Variants in RBFOX1 observed in about 807,000 individuals in gnomAD.
The protein encoded by RBFOX1 is RNA binding fox-1 homolog 1, also known as RNA binding protein fox-1 homolog 1.
Under a neutral mutation model 57.7 loss-of-function variants are expected in RBFOX1, and 8 were observed. The observed-to-expected ratio is 0.14, with a 90% confidence interval of 0.08 to 0.25. The LOEUF (loss-of-function observed/expected upper bound fraction) is 0.25, where lower values mean the gene tolerates loss of function less well. RBFOX1 is among the 10% of genes least tolerant of loss of function. The probability of loss-of-function intolerance (pLI) is 1.00; values close to 1 mark genes in which losing one functional copy is unlikely to be tolerated. For synonymous variants in RBFOX1, 326 were observed against 222.4 expected (o/e 1.47, Z -4.15); for missense variants, 611 against 548.5 (o/e 1.11, Z -1.14).
intron 4 of RBFOX1, among the ~76,000 whole-genome samples, chr16:7,112,754 G>C (rs1245704073): frequency 2.6e-5 from 4 of 151,036 alleles, no homozygotes; most frequent in Non-Finnish European, 5.9e-5. Context: ...TGATTCACAA[G>C]ACTCAGGTTT....
intron 1 of RBFOX1, among the ~76,000 whole-genome samples, chr16:6,252,689 C>A (rs1223897412): frequency 1.3e-5 from 2 of 152,284 alleles, no homozygotes; most frequent in East Asian, 3.9e-4. Context: ...AGTAGGACAA[C>A]AGTGGCTTTG....
intron 1 of RBFOX1, among the ~76,000 whole-genome samples, chr16:6,250,665 A>G (rs1194664771): frequency 6.6e-6 from 1 of 152,136 alleles, no homozygotes; most frequent in Non-Finnish European, 1.5e-5. Flanking sequence ...TCTCTGCACC[A>G]GTCGGGGAAG....
chr16:7,389,334 C>T (rs1001748206), intron 4 of RBFOX1, among the ~76,000 whole-genome samples: 1 of 152,128 alleles, frequency 6.6e-6, no homozygotes, highest in African/African-American at 2.4e-5. Flanking sequence ...CCATGTAGCC[C>T]AGGCTGGTCT....
chr16:5,806,739 G>A (rs2055240688), intron 3 of RBFOX1, among the ~76,000 whole-genome samples: 2 of 152,220 alleles, frequency 1.3e-5, no homozygotes, highest in Admixed American at 1.3e-4. Flanking sequence ...AACAAACCTG[G>A]TAATGCCCCG....
intron 4 of RBFOX1, among the ~76,000 whole-genome samples, chr16:7,058,996 T>C (rs1360226647): frequency 6.6e-6 from 1 of 152,188 alleles, no homozygotes; most frequent in Non-Finnish European, 1.5e-5. Flanking sequence ...GTAGAGCAGA[T>C]CTGCATTATC....
At chr16:7,256,760 T>G (rs912159357) in intron 4 of RBFOX1, among the ~76,000 whole-genome samples, 2 of 152,190 alleles carry the variant, frequency 1.3e-5, no homozygotes, top group African/African-American at 4.8e-5. Flanking sequence ...GTAATACGGT[T>G]GTCCTGTGAG....
intron 4 of RBFOX1, among the ~76,000 whole-genome samples, chr16:7,425,369 C>G (rs548079343): frequency 2.0e-5 from 3 of 152,140 alleles, no homozygotes; most frequent in Non-Finnish European, 1.5e-5. Flanking sequence ...ACCTTCTCCA[C>G]GTCTTCATTG....
At chr16:7,145,231 G>C (rs1366741786) in intron 4 of RBFOX1, among the ~76,000 whole-genome samples, 1 of 152,084 alleles carries the variant, frequency 6.6e-6, no homozygotes, top group Non-Finnish European at 1.5e-5. Context: ...TTGAGATGGA[G>C]TCTTGCTCTG....
intron 3 of RBFOX1, among the ~76,000 whole-genome samples, chr16:6,698,584 C>A (rs1166921740): frequency 6.6e-6 from 1 of 152,174 alleles, no homozygotes; most frequent in Non-Finnish European, 1.5e-5. Context: ...TTAGTATTTG[C>A]CAGAGCCCCA....
intron 11 of RBFOX1, among the ~76,000 whole-genome samples, chr16:7,647,029 A>G (rs573562578): frequency 7.3e-4 from 111 of 152,266 alleles, no homozygotes; most frequent in African/African-American, 2.6e-3. Context: ...ACACCCACAC[A>G]TCTTCCGTTC....
At chr16:5,875,357 G>A (rs1007718751) in intron 4 of RBFOX1, among the ~76,000 whole-genome samples, 9 of 152,182 alleles carry the variant, frequency 5.9e-5, no homozygotes, top group Non-Finnish European at 1.2e-4. Flanking sequence ...GTCTCCACTA[G>A]GAACAGCATG....
At chr16:5,636,057 A>G (rs1481194113) in intron 3 of RBFOX1, among the ~76,000 whole-genome samples, 1 of 149,486 alleles carries the variant, frequency 6.7e-6, no homozygotes, top group Non-Finnish European at 1.5e-5. Context: ...TAAAAAAGAG[A>G]AAAAAAAAAG....
Position 6,710,604 on chromosome 16 carries a change from A to C in RBFOX1, c.-16+55954A>C, listed in dbSNP as rs112470254. On this transcript the variant is annotated intron_variant, in intron 3 of 15. Coordinates refer to ENST00000550418, the MANE Select transcript of RBFOX1 (RefSeq NM_018723.4). ...GAATAGTACCATTTGCAACTGAAAG[A>C]AGCCTAATTCAAATGAGCTACAGCA... is the stretch of plus-strand genomic sequence containing the variant. Among the ~76,000 whole-genome samples, 432 of 152,364 alleles carry C rather than the reference A, an allele frequency of 2.8e-3. 3 individuals are homozygous for C. Among genetic ancestry groups the C allele is most frequent in the African/African-American group, 0.01 (416 of 41,590 alleles).
At chr16:6,788,740 G>A (rs773192596) in intron 3 of RBFOX1, among the ~76,000 whole-genome samples, 3 of 148,018 alleles carry the variant, frequency 2.0e-5, no homozygotes, top group African/African-American at 5.2e-5. Context: ...CTCCCAGAGT[G>A]CTGGGATTAC....
intron 3 of RBFOX1, among the ~76,000 whole-genome samples, chr16:5,755,481 A>G (rs1020671198): frequency 5.3e-5 from 8 of 152,214 alleles, no homozygotes; most frequent in African/African-American, 1.4e-4. Flanking sequence ...GTTGAGTGTT[A>G]GGTAGACCAA....
intron 3 of RBFOX1, among the ~76,000 whole-genome samples, chr16:6,663,951 G>C (rs76615715): frequency 1.3e-5 from 2 of 152,178 alleles, no homozygotes; most frequent in Admixed American, 6.5e-5. Context: ...CTCAAAGCAG[G>C]CAAAGGCTAA....
intron 1 of RBFOX1, among the ~76,000 whole-genome samples, chr16:6,262,513 A>G (rs1156886770): frequency 6.6e-6 from 1 of 152,156 alleles, no homozygotes; most frequent in Non-Finnish European, 1.5e-5. Context: ...TGTTCACTGC[A>G]GCAGCATCTC....
intron 3 of RBFOX1, among the ~76,000 whole-genome samples, chr16:6,978,133 C>T (rs935806139): frequency 6.6e-6 from 1 of 151,924 alleles, no homozygotes; most frequent in Non-Finnish European, 1.5e-5. Flanking sequence ...ACACAACAGC[C>T]GGGCATGATG....
intron 1 of RBFOX1, among the ~76,000 whole-genome samples, chr16:6,259,331 G>A (rs890092224): frequency 2.6e-5 from 4 of 152,008 alleles, no homozygotes; most frequent in Admixed American, 1.3e-4. Flanking sequence ...CTCTCTAGCC[G>A]TTAGGCAGAG....
Sources: allele counts gnomAD v4.1 joint callset (sites outside exome capture counted in the v4.1 genomes callset), GRCh38; gene constraint gnomAD v4.1.1; transcripts MANE v1.5; gene names NCBI Gene and HGNC (gene_info 2026-07-23, HGNC 2026-07-21).